The following WFDC11 variants were observed in gnomAD, a reference collection of about 807,000 sequenced individuals.
WFDC11 encodes protein WFDC11.
In WFDC11, 9 loss-of-function variants were observed where a neutral mutation model predicts 9.9. The ratio of observed to expected loss-of-function variants is 0.91; its 90% CI spans 0.55 to 1.58. WFDC11 has a LOEUF of 1.58. Ranked by LOEUF, WFDC11 falls within the 40% of genes most tolerant of loss-of-function variation. The pLI is 0.00. For synonymous variants in WFDC11, 32 were observed against 33.3 expected (o/e 0.96, Z 0.13); for missense variants, 106 against 101.7 (o/e 1.04, Z -0.18).
chr20:45,656,661 G>A (rs944477521), intron 2 of WFDC11, among the ~76,000 whole-genome samples: 10 of 151,866 alleles, frequency 6.6e-5, no homozygotes, highest in Non-Finnish European at 1.3e-4. Context: ...CCTACAGAAC[G>A]GGAGAAAATT....
intron 2 of WFDC11, among the ~76,000 whole-genome samples, chr20:45,652,824 G>A (rs1600936604): frequency 6.6e-6 from 1 of 152,314 alleles, no homozygotes; most frequent in East Asian, 1.9e-4. Context: ...CTGGAAGAAA[G>A]GGTATCAGTG....
At chr20:45,655,704 C>G (rs1982914961) in intron 2 of WFDC11, among the ~76,000 whole-genome samples, 1 of 152,184 alleles carries the variant, frequency 6.6e-6, no homozygotes, top group Non-Finnish European at 1.5e-5. Flanking sequence ...AGCCCAAAAT[C>G]TCCTTAAGCT....
At chr20:45,656,442 G>A (rs1456601720) in intron 2 of WFDC11, among the ~76,000 whole-genome samples, 1 of 152,082 alleles carries the variant, frequency 6.6e-6, no homozygotes. Context: ...AATTCAAGAT[G>A]GATTAAAGAC....
At position 45,648,612 on chromosome 20, in the gene WFDC11, A is replaced by G. The variant is rs1982731901; in HGVS notation, c.*107T>C. 1.7e-6 allele frequency: 2 copies of G among 1,211,342 alleles called. No homozygotes were observed. Among genetic ancestry groups the G allele is most frequent in the Admixed American group, 2.0e-5 (1 of 49,222 alleles). The allele number at this position is 1,211,342 out of a possible 1,614,324, so 75.0% of individuals were successfully genotyped here. A position where few individuals can be genotyped will look rare whatever the true frequency, so the allele number is the denominator to read the frequency against. On this transcript the variant is annotated 3_prime_UTR_variant, in exon 5 of 5. Transcript: ENST00000324384. The stretch of plus-strand genomic sequence containing the variant: ...AAGTGTTTGCTGTTGTCCAGCTCTC[A>G]GTAAAAATAGACTGGTGTTCCTAAA...
chr20:45,668,019 T>C (rs1024029715), intron 1 of WFDC11, among the ~76,000 whole-genome samples: 12 of 152,206 alleles, frequency 7.9e-5, no homozygotes, highest in Admixed American at 7.2e-4. Context: ...AACTGAAGCA[T>C]CGAGGAGCTA....
chr20:45,654,811 C>T (rs2145617568), intron 2 of WFDC11, among the ~76,000 whole-genome samples: 1 of 152,298 alleles, frequency 6.6e-6, no homozygotes, highest in South Asian at 2.1e-4. Flanking sequence ...CACCTCTATG[C>T]AAGTAAACTA....
At chr20:45,669,781 C>A (rs1031113217) in intron 1 of WFDC11, among the ~76,000 whole-genome samples, 1 of 151,984 alleles carries the variant, frequency 6.6e-6, no homozygotes, top group Non-Finnish European at 1.5e-5. Flanking sequence ...CAAGAGCAAA[C>A]CAACCCCAAA....
At chr20:45,655,956 A>G (rs1468978556) in intron 2 of WFDC11, among the ~76,000 whole-genome samples, 1 of 152,204 alleles carries the variant, frequency 6.6e-6, no homozygotes, top group Non-Finnish European at 1.5e-5. Context: ...ATGGAATAAC[A>G]TTCCATGCTC....
intron 4 of WFDC11, 57 bp downstream of exon 4, chr20:45,649,200 G>A (rs979650248): frequency 8.8e-6 from 14 of 1,594,972 alleles, no homozygotes; most frequent in Admixed American, 5.2e-5. Flanking sequence ...AACAGCCTCC[G>A]AGAAGGGAAT....
intron 2 of WFDC11, among the ~76,000 whole-genome samples, chr20:45,664,457 CATT>C: frequency 6.6e-6 from 1 of 152,306 alleles, no homozygotes; most frequent in East Asian, 1.9e-4. Flanking sequence ...TTGATCCTGT[CATT>C]ATGATGTTAG....
intron 2 of WFDC11, among the ~76,000 whole-genome samples, chr20:45,662,987 A>G (rs908052481): frequency 6.6e-6 from 1 of 152,196 alleles, no homozygotes; most frequent in Non-Finnish European, 1.5e-5. Flanking sequence ...ATAATTTCAG[A>G]AGGAACGGTA....
chr20:45,661,980 T>A (rs1379171001), intron 2 of WFDC11, among the ~76,000 whole-genome samples: 18 of 152,202 alleles, frequency 1.2e-4, no homozygotes, highest in Admixed American at 1.0e-3. Flanking sequence ...TTGATGTGGA[T>A]GGCATTGAAT....
chr20:45,659,647 C>CTCCGA (rs1983012834), intron 2 of WFDC11, among the ~76,000 whole-genome samples: 1 of 152,110 alleles, frequency 6.6e-6, no homozygotes, highest in South Asian at 2.1e-4. Flanking sequence ...CAACATTTTT[C>CTCCGA]TCCGATTCTG....
rs768612520 is a variant in WFDC11, at chr20:45,650,545, A to G, written c.56T>C (p.Val19Ala). The G allele has an allele frequency of 6.2e-7, 1 of 1,614,054 alleles. No homozygotes were observed. The highest frequency in any genetic ancestry group is 1.1e-5 in the South Asian group (1 of 91,068). The change falls in exon 3 of 5, where the codon GTG becomes GCG. Residue 19 changes from valine (V) to alanine (A), a missense_variant. Physicochemically the swap from Val to Ala is moderately conservative, Grantham distance 64 (BLOSUM62 0). Coordinates refer to ENST00000324384, the MANE Select transcript of WFDC11 (RefSeq NM_147197.2). The stretch of plus-strand genomic sequence containing the variant: ...CATTTCTCCCAGCACAGACAGTAGC[A>G]CCGTACAGAAGAATGTCATGAGCAT... ...IPMLMTFFCT[V>A]LLSVLGEMRK...
At chr20:45,650,229 C>T (rs59196188) in intron 3 of WFDC11, among the ~76,000 whole-genome samples, 38,855 of 151,306 alleles carry the variant, frequency 0.26, 5,807 homozygotes, top group East Asian at 0.54. Context: ...CACACACACA[C>T]ATGTGTTTGT....
intron 2 of WFDC11, among the ~76,000 whole-genome samples, chr20:45,656,542 T>C (rs984643960): frequency 6.6e-6 from 1 of 152,142 alleles, no homozygotes; most frequent in Non-Finnish European, 1.5e-5. Context: ...ACTTCATGAC[T>C]AAAACACCAA....
chr20:45,652,300 A>G (rs1982825583), intron 2 of WFDC11, among the ~76,000 whole-genome samples: 2 of 152,152 alleles, frequency 1.3e-5, no homozygotes, highest in Admixed American at 1.3e-4. Flanking sequence ...TGCAGCCTCC[A>G]CTGCTGATAC....
At chr20:45,668,026 G>A (rs971185904) in intron 1 of WFDC11, among the ~76,000 whole-genome samples, 1 of 152,196 alleles carries the variant, frequency 6.6e-6, no homozygotes, top group African/African-American at 2.4e-5. Flanking sequence ...GCATCGAGGA[G>A]CTAAGCAACT....
intron 2 of WFDC11, among the ~76,000 whole-genome samples, chr20:45,652,296 C>T (rs1982825466): frequency 6.6e-6 from 1 of 152,196 alleles, no homozygotes; most frequent in African/African-American, 2.4e-5. Flanking sequence ...GTTGTGCAGC[C>T]TCCACTGCTG....
Sources: gnomAD v4.1 joint callset for allele counts (sites outside exome capture counted in the v4.1 genomes callset) on GRCh38, gnomAD v4.1.1 for gene constraint, MANE v1.5 for transcripts, NCBI Gene and HGNC (gene_info 2026-07-23, HGNC 2026-07-21) for gene names.